DLGAP1: variants seen among roughly 807,000 people sequenced by gnomAD.
DLGAP1 encodes the protein disks large-associated protein 1.
A neutral mutation model predicts 90.8 loss-of-function variants in DLGAP1; 11 were observed. The observed-to-expected ratio is 0.12, with a 90% CI of 0.08 to 0.20. The LOEUF is 0.20. Among genes scored for constraint, DLGAP1 ranks in the 10% least tolerant of loss-of-function variants. The pLI is 1.00. For missense variants in DLGAP1, 1,050 were observed against 1,333.8 expected, an observed-to-expected ratio of 0.79 and a Z score of 3.31; for synonymous variants, 558 against 540.7, an observed-to-expected ratio of 1.03 and a Z score of -0.44.
intron 1 of DLGAP1, among the ~76,000 whole-genome samples, chr18:4,225,003 A>C (rs78749906): frequency 0.011 from 1,643 of 151,730 alleles, 17 homozygotes; most frequent in African/African-American, 0.028. Flanking sequence ...ACACCCCCCC[A>C]CACACACATG....
chr18:4,082,529 A>AAAAAAAAAAAAAAAAAAAC (rs2075625541), intron 2 of DLGAP1, among the ~76,000 whole-genome samples: 1 of 149,350 alleles, frequency 6.7e-6, no homozygotes, highest in African/African-American at 2.5e-5. Flanking sequence ...AAAAAAAAAA[A>AAAAAAAAAAAAAAAAAAAC]AAAAAGAAGG....
intron 1 of DLGAP1, among the ~76,000 whole-genome samples, chr18:4,355,667 T>G (rs1268508271): frequency 4.0e-5 from 6 of 150,774 alleles, no homozygotes; most frequent in Non-Finnish European, 8.9e-5. Flanking sequence ...ATTTCCTGGT[T>G]GTGATATTGT....
chr18:4,111,247 C>T (rs1284503426), intron 2 of DLGAP1, among the ~76,000 whole-genome samples: 1 of 152,116 alleles, frequency 6.6e-6, no homozygotes, highest in African/African-American at 2.4e-5. Flanking sequence ...CCTCACATTT[C>T]TGAAATAAAT....
intron 5 of DLGAP1, among the ~76,000 whole-genome samples, chr18:3,750,856 C>T (rs77509688): frequency 0.043 from 6,522 of 152,196 alleles, 204 homozygotes; most frequent in Non-Finnish European, 0.063. Flanking sequence ...ACCCACCAAA[C>T]TCTTCAACTC....
rs1443560377 is a variant in DLGAP1 at position 3,506,456 on chromosome 18, T to C, written c.2571+2114A>G. ...TGAACCCAGGAGGCGGAGGTTGCAGTGAGCCGAGATTGCGCCATTGCACTC... is the reference window on the plus strand; with the variant it reads ...TGAACCCAGGAGGCGGAGGTTGCAGCGAGCCGAGATTGCGCCATTGCACTC... On this transcript the variant is annotated intron_variant, in intron 11 of 12. Transcript: ENST00000315677. 7.6e-5 allele frequency among the ~76,000 whole-genome samples: 10 copies of C among 131,536 alleles called. No homozygotes were observed. In the East Asian group the frequency reaches 1.8e-3, roughly 23 times the overall value. 86.3% of individuals were successfully genotyped at this position (131,536 alleles called of 152,430 possible). A position where few individuals can be genotyped will look rare whatever the true frequency, so the allele number is the denominator to read the frequency against.
At chr18:4,006,360 ATT>A (rs1173576041) in intron 2 of DLGAP1, among the ~76,000 whole-genome samples, 1 of 152,156 alleles carries the variant, frequency 6.6e-6, no homozygotes, top group Non-Finnish European at 1.5e-5. Context: ...AAATTCCAGC[ATT>A]CTCTTCTCTC....
At chr18:4,087,602 C>T (rs1010735834) in intron 2 of DLGAP1, among the ~76,000 whole-genome samples, 7 of 152,036 alleles carry the variant, frequency 4.6e-5, no homozygotes, top group Non-Finnish European at 1.0e-4. Context: ...GCTGTGAGAC[C>T]CCTGATTTCC....
rs555679302 is a variant in DLGAP1, at chr18:3,843,833, T to C, written c.958-29560A>G. Among the ~76,000 whole-genome samples the C allele has an allele frequency of 2.6e-5, 4 of 152,328 alleles. No homozygotes were observed. In the East Asian group the frequency reaches 7.7e-4, roughly 29 times the overall value. Reference sequence around the variant, plus strand: ...CTGAAATTCCATTCCACATTCCTACTTCTTGATGACTTAGTAAATTACAGG... The same window carrying C: ...CTGAAATTCCATTCCACATTCCTACCTCTTGATGACTTAGTAAATTACAGG... On this transcript the variant is annotated intron_variant, in intron 4 of 12. Transcript: ENST00000315677.
At chr18:4,304,797 G>C (rs754533977) in intron 1 of DLGAP1, among the ~76,000 whole-genome samples, 1 of 152,088 alleles carries the variant, frequency 6.6e-6, no homozygotes, top group Non-Finnish European at 1.5e-5. Context: ...TGGGCGCGGT[G>C]GCGGGCACCT....
chr18:3,876,587 G>C (rs1193651225), intron 4 of DLGAP1, among the ~76,000 whole-genome samples: 1 of 152,178 alleles, frequency 6.6e-6, no homozygotes, highest in East Asian at 1.9e-4. Context: ...AGGTGCTTTG[G>C]TGTCAAAGAC....
chr18:3,647,821 G>A (rs1475759499), intron 7 of DLGAP1, among the ~76,000 whole-genome samples: 13 of 152,146 alleles, frequency 8.5e-5, no homozygotes, highest in Non-Finnish European at 1.5e-4. Context: ...TTTTACAGAT[G>A]AGGAAAGTGT....
intron 1 of DLGAP1, among the ~76,000 whole-genome samples, chr18:4,218,209 A>G (rs2077998766): frequency 6.6e-6 from 1 of 151,438 alleles, no homozygotes; most frequent in African/African-American, 2.4e-5. Flanking sequence ...AGTTGGCAAC[A>G]TTTGCATGAG....
intron 1 of DLGAP1, among the ~76,000 whole-genome samples, chr18:4,319,734 T>C (rs1349558301): frequency 1.3e-5 from 2 of 152,214 alleles, no homozygotes; most frequent in East Asian, 1.9e-4. Context: ...ATGAGACTGA[T>C]TGGCATTTTG....
chr18:4,046,847 T>C (rs2075062070), intron 2 of DLGAP1, among the ~76,000 whole-genome samples: 1 of 152,224 alleles, frequency 6.6e-6, no homozygotes, highest in African/African-American at 2.4e-5. Context: ...CTGAAGTTCA[T>C]GTCTAGAGGC....
chr18:4,258,539 G>A (rs2078943020), intron 1 of DLGAP1, among the ~76,000 whole-genome samples: 3 of 151,596 alleles, frequency 2.0e-5, no homozygotes, highest in Admixed American at 6.6e-5. Context: ...CAAAAAAAAA[G>A]CATGATATAA....
chr18:4,367,239 T>C (rs2081796200), intron 1 of DLGAP1, among the ~76,000 whole-genome samples: 1 of 151,622 alleles, frequency 6.6e-6, no homozygotes. Flanking sequence ...ACTTGCGTAG[T>C]ATAACTTCAG....
chr18:3,954,951 G>A (rs1158497490), intron 3 of DLGAP1, among the ~76,000 whole-genome samples: 1 of 152,180 alleles, frequency 6.6e-6, no homozygotes, highest in Admixed American at 6.5e-5. Flanking sequence ...AGGGAGGAGA[G>A]TGCAAGGAGA....
chr18:4,131,687 G>A (rs750206955), intron 2 of DLGAP1, among the ~76,000 whole-genome samples: 6 of 152,150 alleles, frequency 3.9e-5, no homozygotes, highest in Non-Finnish European at 7.4e-5. Flanking sequence ...TTTCTCAAAC[G>A]TGGGCAAGAG....
At chr18:3,524,306 G>T (rs761483051) in intron 10 of DLGAP1, among the ~76,000 whole-genome samples, 28 of 151,736 alleles carry the variant, frequency 1.8e-4, no homozygotes, top group Non-Finnish European at 3.7e-4. Context: ...AGAAATTGTG[G>T]TATATATATA....
Sources: gnomAD v4.1 joint callset for allele counts (sites outside exome capture counted in the v4.1 genomes callset) on GRCh38, gnomAD v4.1.1 for gene constraint, MANE v1.5 for transcripts, NCBI Gene and HGNC (gene_info 2026-07-23, HGNC 2026-07-21) for gene names.